The following NAALADL2 variants were observed in gnomAD, a reference collection of about 807,000 sequenced individuals.
NAALADL2 encodes the protein N-acetylated alpha-linked acidic dipeptidase like 2.
Under a neutral mutation model 87.2 loss-of-function variants are expected in NAALADL2, and 76 were observed. The observed-to-expected ratio is 0.87, with a 90% CI of 0.72 to 1.05. NAALADL2 has a LOEUF of 1.05. Among genes scored for constraint, NAALADL2 ranks in the 50% least tolerant of loss-of-function variants. The probability of loss-of-function intolerance (pLI) is 0.00; values close to 1 mark genes in which losing one functional copy is unlikely to be tolerated. For missense variants in NAALADL2, 1,089 were observed against 945.8 expected, an observed-to-expected ratio of 1.15 and a Z score of -1.99; for synonymous variants, 354 against 331.0, an observed-to-expected ratio of 1.07 and a Z score of -0.75.
At chr3:174,967,497 A>G (rs1743055463) in intron 1 of NAALADL2, among the ~76,000 whole-genome samples, 1 of 152,138 alleles carries the variant, frequency 6.6e-6, no homozygotes, top group Non-Finnish European at 1.5e-5. Flanking sequence ...CTCTACCTCC[A>G]TAATTTGGGC....
At position 174,802,598 on chromosome 3, in the gene NAALADL2, C is replaced by T. The variant is rs138504378; in HGVS notation, c.-9+64852C>T. Among the ~76,000 whole-genome samples the T allele has an allele frequency of 6.5e-3, 995 of 152,260 alleles. 9 individuals are homozygous for T. The highest frequency in any genetic ancestry group is 0.024 in the Admixed American group (369 of 15,282). On this transcript the variant is annotated intron_variant, in intron 3 of 3. Coordinates refer to the NAALADL2 transcript ENST00000434257. ...GCTGCGACCATCAATTCGTCATTGA[C>T]GTTAAGTATTTCTCCTTATGCTATC...
intron 1 of NAALADL2, among the ~76,000 whole-genome samples, chr3:175,002,892 G>A (rs1221719471): frequency 6.6e-6 from 1 of 152,180 alleles, no homozygotes; most frequent in Non-Finnish European, 1.5e-5. Flanking sequence ...CAGCAGGCAT[G>A]TATAAGTATA....
chr3:174,882,654 CATATGTGCATATACACAT>C (rs1449212157), intron 1 of NAALADL2, among the ~76,000 whole-genome samples: 10 of 131,840 alleles, frequency 7.6e-5, no homozygotes, highest in South Asian at 4.3e-4. Flanking sequence ...TGCATATACA[CATATGTGCATATACACAT>C]ATGTGTATAT....
rs186524503 is a variant in NAALADL2 at position 175,803,080 on chromosome 3, C to G, written c.2265C>G (p.Pro755=). 1.8e-4 allele frequency: 284 copies of G among 1,612,328 alleles called. 5 individuals carry two copies. In the East Asian group the frequency reaches 1.8e-3, roughly 10 times the overall value. Residue 755 remains proline (P), a synonymous_variant, in exon 14 of 14, where the codon CCC becomes CCG. Coordinates refer to ENST00000454872, the MANE Select transcript of NAALADL2 (RefSeq NM_207015.3). ...TAGAGGCTTGGGAACACTGCAAACC[C>G]CTTGCATCAAATGAGACCCTTCAAG... The part of the protein sequence containing the change: ...ILIEAWEHCK[P]LASNETLQEA...
intron 2 of NAALADL2, among the ~76,000 whole-genome samples, chr3:174,628,242 C>G (rs971447806): frequency 1.3e-5 from 2 of 152,010 alleles, no homozygotes; most frequent in Non-Finnish European, 2.9e-5. Flanking sequence ...CTTTGGGAGA[C>G]CGAGGCGGGC....
chr3:175,654,014 A>G (rs1731125688), intron 11 of NAALADL2, among the ~76,000 whole-genome samples: 1 of 152,032 alleles, frequency 6.6e-6, no homozygotes, highest in Admixed American at 6.5e-5. Flanking sequence ...ACCAATTCAG[A>G]AAAAGGGTTT....
chr3:175,284,186 G>GTTT (rs34562094), intron 4 of NAALADL2, among the ~76,000 whole-genome samples: 35,563 of 142,522 alleles, frequency 0.25, 5,342 homozygotes, highest in Middle Eastern at 0.4. Context: ...TTTACACTGT[G>GTTT]TTTTTTTTTT....
At chr3:175,789,304 TGA>T (rs952452414) in intron 13 of NAALADL2, among the ~76,000 whole-genome samples, 5 of 152,296 alleles carry the variant, frequency 3.3e-5, no homozygotes, top group South Asian at 2.1e-4. Context: ...TTAGATATGA[TGA>T]GAGTTTCTGC....
chr3:175,201,078 C>T (rs1461279), intron 2 of NAALADL2, among the ~76,000 whole-genome samples: 56,231 of 151,762 alleles, frequency 0.37, 11,540 homozygotes, highest in East Asian at 0.53. Context: ...ACACTCCATT[C>T]TTTTCTCTCT....
At chr3:175,659,328 G>A (rs1731938670) in intron 11 of NAALADL2, among the ~76,000 whole-genome samples, 1 of 151,988 alleles carries the variant, frequency 6.6e-6, no homozygotes, top group South Asian at 2.1e-4. Flanking sequence ...TTTCTGAATG[G>A]GCAATCAGAT....
chr3:175,211,589 T>C (rs1239823259), intron 2 of NAALADL2, among the ~76,000 whole-genome samples: 2 of 151,944 alleles, frequency 1.3e-5, no homozygotes, highest in Non-Finnish European at 2.9e-5. Flanking sequence ...CTAACTTACA[T>C]TGTCATTCAT....
At chr3:174,742,667 T>C (rs1016195257) in intron 3 of NAALADL2, among the ~76,000 whole-genome samples, 1 of 151,676 alleles carries the variant, frequency 6.6e-6, no homozygotes, top group Non-Finnish European at 1.5e-5. Context: ...AAGTGACACC[T>C]ACTAGTAATA....
intron 1 of NAALADL2, among the ~76,000 whole-genome samples, chr3:174,480,766 A>G (rs1717498808): frequency 6.6e-6 from 1 of 152,144 alleles, no homozygotes; most frequent in Non-Finnish European, 1.5e-5. Flanking sequence ...GTGGGGCTTT[A>G]CATGGTGGTA....
At chr3:174,772,096 G>A (rs1229414334) in intron 3 of NAALADL2, among the ~76,000 whole-genome samples, 1 of 152,052 alleles carries the variant, frequency 6.6e-6, no homozygotes, top group Admixed American at 6.5e-5. Context: ...ATATTTTTCT[G>A]ATACAAAGGA....
intron 10 of NAALADL2, among the ~76,000 whole-genome samples, chr3:175,588,834 T>G (rs188635695): frequency 2.0e-5 from 3 of 152,178 alleles, no homozygotes; most frequent in Non-Finnish European, 2.9e-5. Flanking sequence ...CACCGTGCCC[T>G]GCCAGGAGAC....
chr3:175,480,369 A>G (rs1254871138), intron 9 of NAALADL2, among the ~76,000 whole-genome samples: 1 of 151,832 alleles, frequency 6.6e-6, no homozygotes, highest in African/African-American at 2.4e-5. Flanking sequence ...AATGGCAACC[A>G]TCTCATCCAC....
chr3:175,670,018 T>C (rs756547500), intron 11 of NAALADL2, among the ~76,000 whole-genome samples: 8 of 152,022 alleles, frequency 5.3e-5, no homozygotes, highest in Admixed American at 6.6e-5. Flanking sequence ...CAAACACAAA[T>C]GTAGAGCTTA....
intron 1 of NAALADL2, among the ~76,000 whole-genome samples, chr3:175,008,645 AGTG>A (rs1366579560): frequency 6.6e-6 from 1 of 152,114 alleles, no homozygotes; most frequent in Non-Finnish European, 1.5e-5. Flanking sequence ...CAGATCTTGC[AGTG>A]GTGGTGGCTT....
At chr3:175,754,647 C>T (rs772290009) in intron 12 of NAALADL2, among the ~76,000 whole-genome samples, 6 of 152,154 alleles carry the variant, frequency 3.9e-5, no homozygotes, top group Non-Finnish European at 7.4e-5. Context: ...GATCACAACT[C>T]GGTTTTTATT....
Sources: gnomAD v4.1 joint callset for allele counts (sites outside exome capture counted in the v4.1 genomes callset) on GRCh38, gnomAD v4.1.1 for gene constraint, MANE v1.5 for transcripts, NCBI Gene and HGNC (gene_info 2026-07-23, HGNC 2026-07-21) for gene names.